Variants in ASTN2 observed in about 807,000 individuals in gnomAD.
The protein encoded by ASTN2 is astrotactin 2, also known as astrotactin-2.
A neutral mutation model predicts 139.8 loss-of-function variants in ASTN2; 54 were observed. The observed-to-expected ratio is 0.39, with a 90% confidence interval of 0.31 to 0.48. The LOEUF (loss-of-function observed/expected upper bound fraction) is 0.48. ASTN2 is among the 20% of genes least tolerant of loss of function. The pLI is 0.95. For missense variants in ASTN2, 1,565 were observed against 1,725.1 expected, an observed-to-expected ratio of 0.91 and a Z score of 1.64; for synonymous variants, 756 against 719.5, an observed-to-expected ratio of 1.05 and a Z score of -0.81.
intron 11 of ASTN2, among the ~76,000 whole-genome samples, chr9:116,822,973 G>A (rs769375715): frequency 1.3e-5 from 2 of 152,198 alleles, no homozygotes; most frequent in Non-Finnish European, 2.9e-5. Context: ...AGAAGGCGAT[G>A]TGGGGGTGGA....
At chr9:117,127,246 T>G (rs1420629779) in intron 4 of ASTN2, among the ~76,000 whole-genome samples, 1 of 152,214 alleles carries the variant, frequency 6.6e-6, no homozygotes, top group Non-Finnish European at 1.5e-5. Flanking sequence ...GATGATTTCT[T>G]TGGGACCCTT....
At chr9:116,949,064 C>T (rs1281350917) in intron 10 of ASTN2, among the ~76,000 whole-genome samples, 1 of 152,046 alleles carries the variant, frequency 6.6e-6, no homozygotes, top group Non-Finnish European at 1.5e-5. Flanking sequence ...GCTGAGATTA[C>T]AGGCATGAGC....
intron 5 of ASTN2, among the ~76,000 whole-genome samples, chr9:117,084,934 G>A (rs1304612126): frequency 6.6e-6 from 1 of 152,180 alleles, no homozygotes; most frequent in Non-Finnish European, 1.5e-5. Flanking sequence ...ATTTATTTAG[G>A]CTAAAGAACT....
intron 1 of ASTN2, among the ~76,000 whole-genome samples, chr9:117,379,497 C>T (rs910654726): frequency 9.2e-5 from 14 of 152,164 alleles, no homozygotes; most frequent in Admixed American, 7.9e-4. Context: ...TGGAACTCCA[C>T]CCTTAATCCT....
At chr9:117,112,726 T>C (rs1055202316) in intron 4 of ASTN2, among the ~76,000 whole-genome samples, 6 of 151,890 alleles carry the variant, frequency 4.0e-5, no homozygotes, top group Non-Finnish European at 8.8e-5. Context: ...GAAAACAAAA[T>C]GCATAAATCA....
intron 13 of ASTN2, among the ~76,000 whole-genome samples, chr9:116,798,140 G>T (rs138698352): frequency 6.6e-6 from 1 of 152,134 alleles, no homozygotes; most frequent in Non-Finnish European, 1.5e-5. Context: ...GCATGGTGGC[G>T]CACGCCTGTA....
In ASTN2 at chr9:117,291,176, C is replaced by T. The variant is rs563024313; in HGVS notation, c.630+150G>A. On this transcript the variant is annotated intron_variant, in intron 2 of 22. Transcript: ENST00000313400. ...GTATGCATCAGTCCAAGTGACATCA[C>T]AGAATCCATCTGATTTTCTGTTTCT... The T allele has an allele frequency of 3.1e-5, 32 of 1,038,130 alleles. No homozygotes were observed. The African/African-American group carries it at 4.5e-4, about 15-fold the overall frequency. 64.3% of individuals were successfully genotyped at this position (1,038,130 alleles called of 1,614,324 possible). A position where few individuals can be genotyped will look rare whatever the true frequency, so the allele number is the denominator to read the frequency against.
At chr9:117,358,815 T>A (rs969535011) in intron 1 of ASTN2, among the ~76,000 whole-genome samples, 1 of 152,080 alleles carries the variant, frequency 6.6e-6, no homozygotes, top group African/African-American at 2.4e-5. Context: ...TCTGCTTCTC[T>A]CATTCTGTCG....
intron 11 of ASTN2, among the ~76,000 whole-genome samples, chr9:116,822,346 A>G (rs1287151720): frequency 1.3e-5 from 2 of 152,178 alleles, no homozygotes; most frequent in African/African-American, 2.4e-5. Flanking sequence ...GTCAAGCTGC[A>G]GAAAGGTTAT....
intron 20 of ASTN2, among the ~76,000 whole-genome samples, chr9:116,442,910 C>T (rs994534361): frequency 3.9e-5 from 6 of 152,016 alleles, no homozygotes; most frequent in Non-Finnish European, 8.8e-5. Flanking sequence ...CTGGATATAT[C>T]CATTTATATA....
chr9:116,633,848 C>T (rs1856928168), intron 17 of ASTN2, among the ~76,000 whole-genome samples: 1 of 152,104 alleles, frequency 6.6e-6, no homozygotes, highest in Non-Finnish European at 1.5e-5. Flanking sequence ...TTACCTTGGC[C>T]TTTGATAGGG....
chr9:116,685,983 C>T (rs1332109542), intron 16 of ASTN2, among the ~76,000 whole-genome samples: 1 of 151,608 alleles, frequency 6.6e-6, no homozygotes, highest in Non-Finnish European at 1.5e-5. Flanking sequence ...AAATTTTAAA[C>T]GGGTGCAAAG....
At chr9:117,062,650 C>T (rs1245629354) in intron 5 of ASTN2, among the ~76,000 whole-genome samples, 2 of 152,112 alleles carry the variant, frequency 1.3e-5, no homozygotes, top group South Asian at 2.1e-4. Flanking sequence ...CCCTTGAGTG[C>T]CTATGGGTGC....
chr9:117,146,297 G>A (rs1050542962), intron 3 of ASTN2, among the ~76,000 whole-genome samples: 5 of 151,946 alleles, frequency 3.3e-5, no homozygotes, highest in African/African-American at 4.8e-5. Context: ...TCTGAGCATC[G>A]CGGCAGGCCC....
intron 5 of ASTN2, among the ~76,000 whole-genome samples, chr9:117,045,975 T>TGTACGTAC (rs1440128117): frequency 4.1e-4 from 42 of 102,018 alleles, no homozygotes; most frequent in Non-Finnish European, 6.7e-4. Flanking sequence ...TATGTATGTA[T>TGTACGTAC]GTATGTACGT....
chr9:117,132,496 T>A (rs1243679947), intron 4 of ASTN2, among the ~76,000 whole-genome samples: 2 of 152,308 alleles, frequency 1.3e-5, no homozygotes, highest in African/African-American at 2.4e-5. Flanking sequence ...AAGGCTGCTT[T>A]CAGTTGCCTC....
chr9:116,986,160 G>GCC (rs34143043), intron 7 of ASTN2, among the ~76,000 whole-genome samples: 2,310 of 131,866 alleles, frequency 0.018, 87 homozygotes, highest in African/African-American at 0.069. Context: ...TGTCCAGGCT[G>GCC]CCCCCCCCCA....
chr9:117,294,167 C>A (rs1834669567), intron 1 of ASTN2, among the ~76,000 whole-genome samples: 1 of 152,250 alleles, frequency 6.6e-6, no homozygotes, highest in Non-Finnish European at 1.5e-5. Flanking sequence ...CTAGCTAGAA[C>A]CAGTGGATTT....
chr9:116,519,878 T>G (rs1850796855), intron 19 of ASTN2, among the ~76,000 whole-genome samples: 1 of 151,930 alleles, frequency 6.6e-6, no homozygotes, highest in South Asian at 2.1e-4. Context: ...CTATGAACAC[T>G]TTTATGCACA....
Sources: gnomAD v4.1 joint callset for allele counts (sites outside exome capture counted in the v4.1 genomes callset) on GRCh38, gnomAD v4.1.1 for gene constraint, MANE v1.5 for transcripts, NCBI Gene and HGNC (gene_info 2026-07-23, HGNC 2026-07-21) for gene names.